The following TMEM98 variants were observed in gnomAD, a reference collection of about 807,000 sequenced individuals.
TMEM98 encodes transmembrane protein 98.
A neutral mutation model predicts 25.0 loss-of-function variants in TMEM98; 18 were observed. The observed-to-expected ratio is 0.72, with a 90% CI of 0.50 to 1.07. TMEM98 has a LOEUF of 1.07. Ranked by LOEUF, TMEM98 falls within the 50% of genes least tolerant of loss-of-function variation. TMEM98 has a pLI of 0.00. For synonymous variants in TMEM98, 103 were observed against 112.4 expected (o/e 0.92, Z 0.53); for missense variants, 241 against 289.0 (o/e 0.83, Z 1.20).
chr17:32,930,575 G>T (rs1259644117), intron 1 of TMEM98, among the ~76,000 whole-genome samples: 1 of 152,196 alleles, frequency 6.6e-6, no homozygotes, highest in Non-Finnish European at 1.5e-5. Context: ...ACTCTTTCCA[G>T]AACCTTTACA....
intron 7 of TMEM98, 75 bp from the exon 8 acceptor site, chr17:32,940,711 G>A: frequency 7.1e-7 from 1 of 1,416,328 alleles, no homozygotes; most frequent in Non-Finnish European, 9.7e-7. Context: ...TAGTCAAAAA[G>A]TCTATCTATT....
At chr17:32,935,640 C>CA (rs1251505369) in intron 5 of TMEM98, among the ~76,000 whole-genome samples, 2 of 152,096 alleles carry the variant, frequency 1.3e-5, no homozygotes, top group Non-Finnish European at 2.9e-5. Flanking sequence ...CTCTACTGTC[C>CA]AGCTCCAAGT....
Position 32,939,470 on chromosome 17 carries a change from C to T in TMEM98, c.414-7C>T, listed in dbSNP as rs199962283. 8.3e-5 allele frequency: 134 copies of T among 1,613,800 alleles called. No individual in the cohort carries two copies. The highest frequency in any genetic ancestry group is 4.2e-4 in the Admixed American group (25 of 60,004). On this transcript the variant is annotated splice_region_variant and splice_polypyrimidine_tract_variant and intron_variant, in intron 6 of 7. Coordinates refer to ENST00000579849, the MANE Select transcript of TMEM98 (RefSeq NM_015544.3). ...TGAAGTACTGAACACCTTTTGCCTC[C>T]GGTCAGGGTGGATGATGTTGTGAAG...
Position 32,940,767 on chromosome 17 carries a change from A to T in TMEM98, c.474-19A>T, listed in dbSNP as rs376945553. On this transcript the variant is annotated intron_variant, in intron 7 of 7. Transcript: ENST00000579849. ...CTCATTTCCTAGGAAACCTGACCCTATTTTCTTTTTTTCCCTAGGACGACT... is the reference window on the plus strand; with the variant it reads ...CTCATTTCCTAGGAAACCTGACCCTTTTTTCTTTTTTTCCCTAGGACGACT... 8 of 1,604,852 alleles carry T rather than the reference A, an allele frequency of 5.0e-6. No homozygotes were observed. The African/African-American group carries it at 1.1e-4, about 22-fold the overall frequency.
At position 32,936,393 on chromosome 17, in the gene TMEM98, A is replaced by G. The variant is rs374235464; in HGVS notation, c.359A>G (p.Lys120Arg). The change falls in exon 6 of 8, where the codon AAG (lysine) becomes AGG (arginine). Residue 120 changes from lysine to arginine, a missense_variant. Physicochemically the swap from Lys to Arg is conservative, Grantham distance 26. Coordinates refer to ENST00000579849, the MANE Select transcript of TMEM98 (RefSeq NM_015544.3). ...AMTMGSGAKM[K>R]TSASVSDIIV... ...ACAATGGGCTCTGGGGCCAAGATGA[A>G]GACTTCAGCCAGTGTCAGCGACATC... 3.1e-6 allele frequency: 5 copies of G among 1,614,224 alleles called. No individual in the cohort carries two copies. In the South Asian group the frequency reaches 4.4e-5, roughly 14 times the overall value.
rs866493687 is a variant in TMEM98, at chr17:32,929,961, C to T, written c.-130-1366C>T. ...CCCACCAACTCCTTAAGATCAGGGT[C>T]TCTGTCCTATCTATCTCCAATCTCC... On this transcript the variant is annotated intron_variant, in intron 1 of 7. Coordinates refer to ENST00000579849, the MANE Select transcript of TMEM98 (RefSeq NM_015544.3). 2.6e-5 allele frequency among the ~76,000 whole-genome samples: 4 copies of T among 152,194 alleles called. No individual in the cohort carries two copies. In the South Asian group the frequency reaches 8.3e-4, roughly 32 times the overall value.
chr17:32,939,292 A>C (rs2091514982), intron 6 of TMEM98, among the ~76,000 whole-genome samples, 185 bp from the exon 7 acceptor site: 1 of 152,164 alleles, frequency 6.6e-6, no homozygotes, highest in Non-Finnish European at 1.5e-5. Context: ...CTGTAATCCC[A>C]GCTACTTGGG....
intron 1 of TMEM98, among the ~76,000 whole-genome samples, chr17:32,930,307 T>A (rs1269851640): frequency 6.6e-6 from 1 of 152,222 alleles, no homozygotes; most frequent in African/African-American, 2.4e-5. Flanking sequence ...CTTCAGTTCC[T>A]CTCTCCAGAG....
intron 4 of TMEM98, 41 bp from the exon 5 acceptor site, chr17:32,934,250 C>T (rs1270696322): frequency 6.2e-7 from 1 of 1,613,162 alleles, no homozygotes; most frequent in Admixed American, 1.7e-5. Context: ...GGTGGTGGGC[C>T]CCTCCAGATG....
In TMEM98 at chr17:32,936,443, C is replaced by T. The variant is rs1384138878; in HGVS notation, c.409C>T (p.Pro137Ser). ...CATTGTGGTGGCCAAGCGGATCAGC[C>T]CCAGGTGAGCAATTGGCGGCTTCGA... Reference protein sequence around the residue: ...DIIVVAKRISPRVDDVVKSMY... With the variant: ...DIIVVAKRISSRVDDVVKSMY... Residue 137 changes from proline (P) to serine (S), a missense_variant, in exon 6 of 8, where the codon CCC becomes TCC. By Grantham distance (74) the Pro-to-Ser change is moderately conservative (BLOSUM62 -1). Transcript: ENST00000579849. The T allele has an allele frequency of 2.5e-6, 4 of 1,613,990 alleles. No individual in the cohort carries two copies. The highest frequency in any genetic ancestry group is 2.5e-6 in the Non-Finnish European group (3 of 1,179,900).
chr17:32,934,256 AG>A lies in TMEM98; in HGVS notation c.264-34del, dbSNP rs749214398. 4 of 1,613,918 alleles carry A rather than the reference AG, an allele frequency of 2.5e-6. No homozygotes were observed. The South Asian group carries it at 4.4e-5, about 18-fold the overall frequency. Reference sequence around the variant, plus strand: ...GAGCTGGAGGGTGGTGGGCCCCTCCAGATGAGCACTGATGACTTCTTCTTGT... The same window carrying A: ...GAGCTGGAGGGTGGTGGGCCCCTCCAATGAGCACTGATGACTTCTTCTTGT... On this transcript the variant is annotated intron_variant, in intron 4 of 7. Coordinates refer to ENST00000579849, the MANE Select transcript of TMEM98 (RefSeq NM_015544.3).
rs374888097 is a variant in TMEM98, at chr17:32,936,452, G to T, written c.413+5G>T. On this transcript the variant is annotated splice_donor_5th_base_variant and intron_variant, in intron 6 of 7. Transcript: ENST00000579849. ...GGCCAAGCGGATCAGCCCCAGGTGA[G>T]CAATTGGCGGCTTCGAGGTCCCCAC... The T allele has an allele frequency of 6.8e-6, 11 of 1,613,276 alleles. No homozygotes were observed. Among genetic ancestry groups the T allele is most frequent in the Non-Finnish European group, 9.3e-6 (11 of 1,179,384 alleles).
intron 5 of TMEM98, 155 bp downstream of exon 5, chr17:32,934,479 C>G (rs549161703): frequency 1.4e-4 from 102 of 718,226 alleles, no homozygotes; most frequent in Middle Eastern, 1.2e-3. Flanking sequence ...TACTTCCCCC[C>G]CTGCCTGGAC....
chr17:32,940,015 A>G (rs2091520144), intron 7 of TMEM98, among the ~76,000 whole-genome samples: 1 of 152,146 alleles, frequency 6.6e-6, no homozygotes, highest in South Asian at 2.1e-4. Context: ...TGAAATTGTT[A>G]TGTTCCTATA....
intron 6 of TMEM98, among the ~76,000 whole-genome samples, chr17:32,937,474 C>G (rs1258623701): frequency 2.0e-5 from 3 of 152,170 alleles, no homozygotes; most frequent in Non-Finnish European, 4.4e-5. Context: ...AGAACAGTTC[C>G]CTGCCTTCTC....
intron 7 of TMEM98, 53 bp from the exon 8 acceptor site, chr17:32,940,733 G>T: frequency 6.4e-7 from 1 of 1,557,576 alleles, no homozygotes; most frequent in Non-Finnish European, 8.7e-7. Context: ...GGGCTTTTGT[G>T]CAAAGTCCCT....
chr17:32,934,649 A>G (rs1485867744), intron 5 of TMEM98, among the ~76,000 whole-genome samples: 1 of 152,192 alleles, frequency 6.6e-6, no homozygotes, highest in African/African-American at 2.4e-5. Flanking sequence ...GCCAAGAGAA[A>G]TGGGGTTTCC....
At chr17:32,936,268 G>T in intron 5 of TMEM98, 64 bp from the exon 6 acceptor site, 2 of 1,318,540 alleles carry the variant, frequency 1.5e-6, no homozygotes, top group Non-Finnish European at 2.2e-6. Flanking sequence ...TTTGTCTCGT[G>T]GGGGTGGCGA....
chr17:32,931,444 C>A (rs1598199105), intron 2 of TMEM98, 31 bp from the exon 3 acceptor site: 4 of 1,519,960 alleles, frequency 2.6e-6, no homozygotes, highest in East Asian at 4.8e-5. Context: ...GCTTCTTGAC[C>A]AGATCTGCTC....
Sources: gnomAD v4.1 joint callset for allele counts (sites outside exome capture counted in the v4.1 genomes callset) on GRCh38, gnomAD v4.1.1 for gene constraint, MANE v1.5 for transcripts, NCBI Gene and HGNC (gene_info 2026-07-23, HGNC 2026-07-21) for gene names.